The following MICAL2 variants were observed in gnomAD, a reference collection of about 807,000 sequenced individuals.
The protein encoded by MICAL2 is [F-actin]-monooxygenase MICAL2.
In MICAL2, 77 loss-of-function variants were observed where a neutral mutation model predicts 127.3. The ratio of observed to expected loss-of-function variants is 0.60; its 90% CI spans 0.50 to 0.73. The LOEUF (loss-of-function observed/expected upper bound fraction) is 0.73, where lower values mean the gene tolerates loss of function less well. Among genes scored for constraint, MICAL2 ranks in the 30% least tolerant of loss-of-function variants. The pLI is 0.00. For synonymous variants in MICAL2, 570 were observed against 551.1 expected (o/e 1.03, Z -0.48); for missense variants, 1,351 against 1,434.4 (o/e 0.94, Z 0.94).
chr11:12,213,288 C>T lies in MICAL2; in HGVS notation c.725C>T (p.Ala242Val), dbSNP rs761310735. Residue 242 changes from alanine (A) to valine (V), a missense_variant, in exon 7 of 28, where the codon GCG (alanine) becomes GTG (valine). Transcript: ENST00000683283. ...AGAAAAGAATTCCGTGGGAAGCTGG[C>T]GATTGCCATCACCGCCAACTTCATA... The part of the protein sequence containing the change: ...FRRKEFRGKL[A>V]IAITANFINR... 3.1e-6 allele frequency: 5 copies of T among 1,612,686 alleles called. No individual in the cohort carries two copies. Among genetic ancestry groups the T allele is most frequent in the East Asian group, 2.2e-5 (1 of 44,844 alleles).
chr11:12,242,722 G>C lies in MICAL2; in HGVS notation c.2608G>C (p.Glu870Gln). 2.5e-6 allele frequency: 4 copies of C among 1,612,362 alleles called. No homozygotes were observed. Among genetic ancestry groups the C allele is most frequent in the South Asian group, 1.1e-5 (1 of 90,734 alleles). The change falls in exon 20 of 28, where the codon GAG becomes CAG. Residue 870 changes from glutamate (E) to glutamine (Q), a missense_variant. Glu to Gln is a conservative substitution (Grantham distance 29). Transcript: ENST00000683283. ...NREFHTKNIK[E>Q]KAAHLASMFG... ...GGAATTTCACACAAAGAACATTAAG[G>C]AGAAGGCGGCTCACCTTGCCTCCAT...
At chr11:12,170,765 C>T (rs924698310) in intron 3 of MICAL2, among the ~76,000 whole-genome samples, 2 of 152,192 alleles carry the variant, frequency 1.3e-5, no homozygotes. Flanking sequence ...CCCCAGTGGG[C>T]TCCTAGATTC....
At chr11:12,282,400 T>C (rs1863782394) in intron 2 of MICAL2, among the ~76,000 whole-genome samples, 2 of 152,112 alleles carry the variant, frequency 1.3e-5, no homozygotes, top group Non-Finnish European at 2.9e-5. Context: ...TTTCCAGATA[T>C]GAAGTTGGCC....
At chr11:12,291,422 A>T (rs1392329670), downstream of MICAL2, among the ~76,000 whole-genome samples, 1 of 152,130 alleles carries the variant, frequency 6.6e-6, no homozygotes, top group Non-Finnish European at 1.5e-5. Flanking sequence ...TTCTGCTCTA[A>T]GCAGACTAGA....
upstream of MICAL2, among the ~76,000 whole-genome samples, chr11:12,274,915 G>A (rs368401077): frequency 3.8e-4 from 58 of 152,062 alleles, no homozygotes; most frequent in African/African-American, 1.3e-3. Context: ...GACTGTGGGG[G>A]TGGGGCACAG....
intron 2 of MICAL2, among the ~76,000 whole-genome samples, chr11:12,282,721 T>C (rs1863785698): frequency 6.6e-6 from 1 of 152,220 alleles, no homozygotes; most frequent in Non-Finnish European, 1.5e-5. Context: ...GGTCTCTGAG[T>C]AGGCACAACT....
At chr11:12,249,722 T>C (rs535699422) in intron 22 of MICAL2, among the ~76,000 whole-genome samples, 14 of 152,368 alleles carry the variant, frequency 9.2e-5, no homozygotes, top group African/African-American at 3.4e-4. Flanking sequence ...GCTTGCTCGA[T>C]GCTCCTGGCA....
chr11:12,241,138 C>A lies in MICAL2; in HGVS notation c.2313C>A (p.Ser771Arg), dbSNP rs757317389. ...CCAAGCCGGAGGAGGCCACACCCAG[C>A]CCATCACCTCCTCTGAAAAGGCAGG... is the stretch of plus-strand genomic sequence containing the variant. ...CCPKPEEATP[S>R]PSPPLKRQFP... Residue 771 changes from serine (S) to arginine (R), a missense_variant, in exon 18 of 28, where the codon AGC becomes AGA. This residue lies in a region of MICAL2 where 752 missense variants were observed against 719.4 expected (regional missense o/e 1.05). Coordinates refer to ENST00000683283, the MANE Select transcript of MICAL2 (RefSeq NM_001282663.2). The A allele has an allele frequency of 7.4e-6, 12 of 1,614,020 alleles. 1 individual carries two copies. The South Asian group carries it at 1.3e-4, about 18-fold the overall frequency.
At chr11:12,241,892 TCTCTGGGGGTTGGCCCCAGG>T (rs2134474544) in intron 18 of MICAL2, among the ~76,000 whole-genome samples, 1 of 133,280 alleles carries the variant, frequency 7.5e-6, no homozygotes, top group Admixed American at 7.3e-5. Flanking sequence ...CCAATCGAAA[TCTCTGGGGGTTGGCCCCAGG>T]CTTGGGTGTT....
chr11:12,319,682 T>C (rs377162876), intron 29 of MICAL2: 10 of 1,582,764 alleles, frequency 6.3e-6, no homozygotes, highest in South Asian at 1.1e-5. Flanking sequence ...TGAGTTTTTC[T>C]GTTCCCATTT....
chr11:12,170,487 A>T (rs1856110384), intron 3 of MICAL2, among the ~76,000 whole-genome samples: 1 of 152,198 alleles, frequency 6.6e-6, no homozygotes, highest in African/African-American at 2.4e-5. Context: ...TATCAGTAAA[A>T]GTGAATGTTC....
chr11:12,247,666 C>T (rs956836773), intron 21 of MICAL2, among the ~76,000 whole-genome samples: 2 of 152,246 alleles, frequency 1.3e-5, no homozygotes, highest in Non-Finnish European at 2.9e-5. Flanking sequence ...CCTCACTCCC[C>T]AAACTCTGCC....
In MICAL2 at chr11:12,256,970, A is replaced by T; in HGVS notation, c.3141A>T (p.Glu1047Asp). 6.2e-7 allele frequency: 1 copy of T among 1,611,308 alleles called. No homozygotes were observed. Among genetic ancestry groups the T allele is most frequent in the Non-Finnish European group, 8.5e-7 (1 of 1,178,758 alleles). The change falls in exon 24 of 28, where the codon GAA (glutamate) becomes GAT (aspartate). Residue 1047 changes from glutamate to aspartate, a missense_variant and splice_region_variant. Glu to Asp is a conservative substitution (Grantham distance 45, BLOSUM62 2). Around this residue, in one of 2 missense-constraint regions of MICAL2, gnomAD observed 752 missense variants for 719.4 expected, o/e 1.05. Coordinates refer to ENST00000683283, the MANE Select transcript of MICAL2 (RefSeq NM_001282663.2). ...CCGCCTACACCTTTGACTGCGATGAAGGTAACCCCAGGGGCCAGGGCAGCA... is the reference window on the plus strand; with the variant it reads ...CCGCCTACACCTTTGACTGCGATGATGGTAACCCCAGGGGCCAGGGCAGCA... ...RLAAYTFDCD[E>D]GKFYCKPHFI... is the part of the protein sequence containing the mutation.
At chr11:12,127,213 C>A (rs1030958179) in intron 1 of MICAL2, among the ~76,000 whole-genome samples, 1 of 152,182 alleles carries the variant, frequency 6.6e-6, no homozygotes, top group Non-Finnish European at 1.5e-5. Context: ...CAGGACATTT[C>A]AGTCTAGGCA....
intron 29 of MICAL2, among the ~76,000 whole-genome samples, chr11:12,305,449 G>A (rs1405938440): frequency 1.3e-5 from 2 of 152,140 alleles, no homozygotes; most frequent in African/African-American, 2.4e-5. Flanking sequence ...AATTGGAGAT[G>A]AGATTTGGGT....
intron 22 of MICAL2, 146 bp from the exon 23 acceptor site, chr11:12,255,497 G>A (rs1862203145): frequency 6.1e-6 from 4 of 651,718 alleles, no homozygotes; most frequent in Non-Finnish European, 1.1e-5. Context: ...TCTGCTCCTG[G>A]CTGGTTTTGC....
At chr11:12,169,867 A>G (rs998112930) in intron 3 of MICAL2, among the ~76,000 whole-genome samples, 22 of 152,340 alleles carry the variant, frequency 1.4e-4, no homozygotes, top group African/African-American at 4.6e-4. Context: ...ACTCCCACCA[A>G]TAGTGCAAGG....
intron 3 of MICAL2, among the ~76,000 whole-genome samples, chr11:12,180,773 G>GTATCTAC (rs1857363583): frequency 6.6e-6 from 1 of 151,478 alleles, no homozygotes; most frequent in Admixed American, 6.6e-5. Context: ...CTAGACTTTA[G>GTATCTAC]TTGCTCAACC....
chr11:12,162,024 C>A, intron 2 of MICAL2, 55 bp from the exon 3 acceptor site: 1 of 1,245,698 alleles, frequency 8.0e-7, no homozygotes, highest in Non-Finnish European at 1.1e-6. Flanking sequence ...AGCACCCATC[C>A]CCCACCCTAA....
Sources: allele counts gnomAD v4.1 joint callset (sites outside exome capture counted in the v4.1 genomes callset), GRCh38; gene constraint gnomAD v4.1.1; regional missense constraint gnomAD v4.1.1; transcripts MANE v1.5; gene names NCBI Gene and HGNC (gene_info 2026-07-23, HGNC 2026-07-21).